The following KPNA2 variants were observed in gnomAD, a reference collection of about 807,000 sequenced individuals.
The protein encoded by KPNA2 is importin subunit alpha-1.
Under a neutral mutation model 53.7 loss-of-function variants are expected in KPNA2, and 20 were observed. The observed-to-expected ratio is 0.37, with a 90% CI of 0.26 to 0.54. The LOEUF (loss-of-function observed/expected upper bound fraction) is 0.54, where lower values mean the gene tolerates loss of function less well. KPNA2 is among the 20% of genes least tolerant of loss of function. KPNA2 has a pLI of 0.83. For missense variants in KPNA2, 515 were observed against 640.3 expected, an observed-to-expected ratio of 0.80 and a Z score of 2.11; for synonymous variants, 238 against 227.5, an observed-to-expected ratio of 1.05 and a Z score of -0.42.
Position 68,042,114 on chromosome 17 carries a change from C to T in KPNA2, c.332C>T (p.Pro111Leu). 6 of 1,613,902 alleles carry T rather than the reference C, an allele frequency of 3.7e-6. No homozygotes were observed. The highest frequency in any genetic ancestry group is 5.1e-6 in the Non-Finnish European group (6 of 1,179,768). The part of the protein sequence containing the change: ...RKLLSREKQP[P>L]IDNIIRAGLI... ...CTACTTTCCAGAGAAAAACAGCCCC[C>T]CATAGACAACATAATCCGGGCTGGT... Residue 111 changes from proline (P) to leucine (L), a missense_variant, in exon 5 of 11, where the codon CCC becomes CTC. By Grantham distance (98) the Pro-to-Leu change is moderately conservative. Coordinates refer to ENST00000330459, the MANE Select transcript of KPNA2 (RefSeq NM_002266.4).
chr17:68,046,368 T>A, intron 10 of KPNA2, 136 bp from the exon 11 acceptor site: 1 of 562,230 alleles, frequency 1.8e-6, no homozygotes, highest in Non-Finnish European at 3.1e-6. Flanking sequence ...CTCCTCTATG[T>A]CAAATACTAT....
intron 3 of KPNA2, among the ~76,000 whole-genome samples, chr17:68,039,192 C>T (rs1555704178): frequency 2.0e-5 from 3 of 151,832 alleles, no homozygotes; most frequent in African/African-American, 7.3e-5. Context: ...ACGATCTTGG[C>T]TGACTGCAGC....
intron 7 of KPNA2, 22 bp downstream of exon 7, chr17:68,043,385 T>A (rs782058810): frequency 4.3e-5 from 70 of 1,611,500 alleles, no homozygotes; most frequent in Non-Finnish European, 5.8e-5. Context: ...ACTTGTAGAT[T>A]AGGACATAAG....
intron 5 of KPNA2, among the ~76,000 whole-genome samples, 190 bp downstream of exon 5, chr17:68,042,543 G>T (rs989524060): frequency 6.6e-6 from 1 of 152,178 alleles, no homozygotes; most frequent in Non-Finnish European, 1.5e-5. Flanking sequence ...TTTTGCTGGT[G>T]CATTCAGTCA....
At chr17:68,041,078 G>T (rs1300840581) in intron 4 of KPNA2, among the ~76,000 whole-genome samples, 2 of 152,174 alleles carry the variant, frequency 1.3e-5, no homozygotes, top group Non-Finnish European at 2.9e-5. Flanking sequence ...CAAGTCACTG[G>T]CAGGGGAAGG....
At position 68,039,367 on chromosome 17, in the gene KPNA2, C is replaced by A. The variant is rs532512206; in HGVS notation, c.214-1311C>A. On this transcript the variant is annotated intron_variant, in intron 3 of 10. Coordinates refer to ENST00000330459, the MANE Select transcript of KPNA2 (RefSeq NM_002266.4). ...AACTCCTGACCTCAGGTGATCCACC[C>A]GCCTCGGCCTCCCAAAGTGCTGGGA... 3.9e-4 allele frequency among the ~76,000 whole-genome samples: 59 copies of A among 151,786 alleles called. 1 individual carries two copies. The highest frequency in any genetic ancestry group is 1.3e-3 in the African/African-American group (56 of 41,490).
At chr17:68,045,105 AAAAAG>A (rs2071312787) in intron 9 of KPNA2, among the ~76,000 whole-genome samples, 1 of 151,874 alleles carries the variant, frequency 6.6e-6, no homozygotes, top group African/African-American at 2.4e-5. Flanking sequence ...AAAAAAAAAA[AAAAAG>A]TTGAGCCTTC....
Position 68,041,460 on chromosome 17 carries a change from C to T in KPNA2, c.303-625C>T, listed in dbSNP as rs190629334. On this transcript the variant is annotated intron_variant, in intron 4 of 10. Coordinates refer to ENST00000330459, the MANE Select transcript of KPNA2 (RefSeq NM_002266.4). Reference sequence around the variant, plus strand: ...TGTAATCTCACGTGTTTGGGAGGCTCAGGCACAATAATCACTTGAACCCAG... The same window carrying T: ...TGTAATCTCACGTGTTTGGGAGGCTTAGGCACAATAATCACTTGAACCCAG... Among the ~76,000 whole-genome samples, 179 of 152,208 alleles carry T rather than the reference C, an allele frequency of 1.2e-3. 2 individuals are homozygous for T. Among genetic ancestry groups the T allele is most frequent in the African/African-American group, 3.9e-3 (161 of 41,542 alleles).
chr17:68,042,506 GAGGGCCATCTA>G (rs1451145964), intron 5 of KPNA2, among the ~76,000 whole-genome samples, 153 bp downstream of exon 5: 1 of 152,226 alleles, frequency 6.6e-6, no homozygotes, highest in Non-Finnish European at 1.5e-5. Context: ...AAAGGCAGCA[GAGGGCCATCTA>G]AGTAAGTTTG....
At chr17:68,045,714 CTTCA>C (rs2071320143) in intron 9 of KPNA2, 54 bp from the exon 10 acceptor site, 3 of 1,268,520 alleles carry the variant, frequency 2.4e-6, no homozygotes, top group Middle Eastern at 5.7e-4. Context: ...TTGATGTTTT[CTTCA>C]TTAAAATAAA....
In KPNA2 at chr17:68,040,782, G is replaced by A. The variant is rs1441486307; in HGVS notation, c.302+16G>A. 16 of 1,499,206 alleles carry A rather than the reference G, an allele frequency of 1.1e-5. No homozygotes were observed. The highest frequency in any genetic ancestry group is 2.3e-5 in the East Asian group (1 of 42,654). 92.9% of individuals were successfully genotyped at this position (1,499,206 alleles called of 1,614,324 possible). A position where few individuals can be genotyped will look rare whatever the true frequency, so the allele number is the denominator to read the frequency against. On this transcript the variant is annotated intron_variant, in intron 4 of 10. Coordinates refer to ENST00000330459, the MANE Select transcript of KPNA2 (RefSeq NM_002266.4). ...AAGCTGCCAGGTAAGTCTTGTCTGC[G>A]ATAGCATGGGTAGCCTAAGAAATTT...
Position 68,044,367 on chromosome 17 carries a change from A to G in KPNA2, c.1211A>G (p.Tyr404Cys). Residue 404 changes from tyrosine to cysteine, a missense_variant, in exon 9 of 11, where the codon TAT becomes TGT. By Grantham distance (194) the Tyr-to-Cys change is radical. Coordinates refer to ENST00000330459, the MANE Select transcript of KPNA2 (RefSeq NM_002266.4). ...QKEAVWAVTN[Y>C]TSGGTVEQIV... ...GAAGCTGTGTGGGCCGTGACCAACT[A>G]TACCAGTGGTGGAACAGTTGAACAG... 1 of 1,614,088 alleles carries G rather than the reference A, an allele frequency of 6.2e-7. No individual in the cohort carries two copies. Among genetic ancestry groups the G allele is most frequent in the South Asian group, 1.1e-5 (1 of 91,074 alleles).
At chr17:68,044,916 G>A (rs1457239148) in intron 9 of KPNA2, among the ~76,000 whole-genome samples, 26 of 152,058 alleles carry the variant, frequency 1.7e-4, no homozygotes, top group African/African-American at 4.6e-4. Flanking sequence ...CCAACATGGC[G>A]AAACCCTGTC....
At chr17:68,042,458 T>G in intron 5 of KPNA2, 105 bp downstream of exon 5, 1 of 1,180,016 alleles carries the variant, frequency 8.5e-7, no homozygotes. Context: ...TTGAGCTTGC[T>G]TTCAAGCCCT....
chr17:68,042,990 A>C lies in KPNA2; in HGVS notation c.657A>C (p.Ser219=), dbSNP rs183768434. 1.8e-4 allele frequency: 288 copies of C among 1,612,982 alleles called. 1 individual carries two copies. The East Asian group carries it at 6.4e-3, about 36-fold the overall frequency. The part of the protein sequence containing the change: ...LLALLAVPDM[S]SLACGYLRNL... ...CTCTCCTTGCAGTTCCTGATATGTC[A>C]TCTTTAGCAGTAAGTTACTAACATG... The change falls in exon 6 of 11, where the codon TCA becomes TCC. Residue 219 remains serine, a synonymous_variant. Coordinates refer to ENST00000330459, the MANE Select transcript of KPNA2 (RefSeq NM_002266.4).
intron 4 of KPNA2, among the ~76,000 whole-genome samples, chr17:68,041,203 A>C (rs2071255946): frequency 1.3e-5 from 2 of 152,268 alleles, no homozygotes; most frequent in East Asian, 3.8e-4. Flanking sequence ...ATGATATAAT[A>C]GAAAGGATTA....
chr17:68,045,560 T>C, intron 9 of KPNA2: 1 of 427,192 alleles, frequency 2.3e-6, no homozygotes. Flanking sequence ...GATCTTTGGC[T>C]CCAGTTGAAG....
rs946493126 is a variant in KPNA2 at position 68,043,333 on chromosome 17, G to A, written c.900G>A (p.Lys300=). The change falls in exon 7 of 11, where the codon AAG becomes AAA. Residue 300 remains lysine, a synonymous_variant. Transcript: ENST00000330459. ...VKTGVVPQLV[K]LLGASELPIV... is the part of the protein sequence containing the mutation. ...CAGGAGTTGTGCCCCAACTTGTGAAGCTTCTAGGAGCTTCTGAATTGCCAA... is the reference window on the plus strand; with the variant it reads ...CAGGAGTTGTGCCCCAACTTGTGAAACTTCTAGGAGCTTCTGAATTGCCAA... The A allele has an allele frequency of 1.2e-6, 2 of 1,614,030 alleles. No individual in the cohort carries two copies. Among genetic ancestry groups the A allele is most frequent in the Admixed American group, 3.3e-5 (2 of 59,994 alleles).
intron 1 of KPNA2, 181 bp from the exon 2 acceptor site, chr17:68,036,929 A>G (rs1264181470): frequency 7.7e-6 from 4 of 521,424 alleles, no homozygotes; most frequent in African/African-American, 6.0e-5. Flanking sequence ...AGCCCTTTAG[A>G]GGGAAGGGGG....
Sources: gnomAD v4.1 joint callset for allele counts (sites outside exome capture counted in the v4.1 genomes callset) on GRCh38, gnomAD v4.1.1 for gene constraint, MANE v1.5 for transcripts, NCBI Gene and HGNC (gene_info 2026-07-23, HGNC 2026-07-21) for gene names.